Variants in ANKRD11 observed in about 807,000 individuals in gnomAD.
ANKRD11 encodes the protein ankyrin repeat domain-containing protein 11.
ANKRD11 carries 17 observed loss-of-function variants against 195.7 expected under a neutral mutation model. That is an observed-to-expected ratio of 0.09 (90% CI 0.06 to 0.13). The LOEUF (loss-of-function observed/expected upper bound fraction) is 0.13. Ranked by LOEUF, ANKRD11 falls within the 10% of genes least tolerant of loss-of-function variation. The pLI, the probability that ANKRD11 is intolerant of heterozygous loss-of-function variation, is 1.00. For synonymous variants in ANKRD11, 1,953 were observed against 1,528.1 expected, an observed-to-expected ratio of 1.28 and a Z score of -6.49; for missense variants, 3,735 against 3,566.1, an observed-to-expected ratio of 1.05 and a Z score of -1.21.
intron 2 of ANKRD11, among the ~76,000 whole-genome samples, chr16:89,387,285 G>A (rs555742956): frequency 3.3e-5 from 5 of 151,744 alleles, no homozygotes; most frequent in South Asian, 2.1e-4. Context: ...AGTGCCCCTC[G>A]AACAGAAGGA....
chr16:89,369,118 T>G (rs368660547), intron 2 of ANKRD11, among the ~76,000 whole-genome samples: 5 of 151,970 alleles, frequency 3.3e-5, no homozygotes, highest in African/African-American at 1.2e-4. Flanking sequence ...GGCCTGACAA[T>G]CTACCCTAGA....
At chr16:89,350,011 G>C (rs1231000132) in intron 2 of ANKRD11, among the ~76,000 whole-genome samples, 2 of 151,904 alleles carry the variant, frequency 1.3e-5, no homozygotes, top group East Asian at 3.9e-4. Context: ...ATGAGCAAAT[G>C]GCAGATATGA....
intron 1 of ANKRD11, among the ~76,000 whole-genome samples, chr16:89,431,714 GC>G (rs1465106604): frequency 6.6e-6 from 1 of 152,056 alleles, no homozygotes; most frequent in African/African-American, 2.4e-5. Context: ...TTAACGACGT[GC>G]TGCTGAATCC....
At chr16:89,278,287 C>A (rs959279915) in intron 9 of ANKRD11, 5 of 348,866 alleles carry the variant, frequency 1.4e-5, no homozygotes, top group South Asian at 8.5e-5. Flanking sequence ...AATCCCTGTG[C>A]CTGCTGGGAA....
intron 9 of ANKRD11, chr16:89,278,841 AGGCCT>A (rs1420736391): frequency 1.4e-6 from 1 of 732,974 alleles, no homozygotes; most frequent in African/African-American, 1.7e-5. Flanking sequence ...CAGGAGACCG[AGGCCT>A]GGCACGGACC....
chr16:89,306,512 GCCAC>G (rs1490788060), intron 3 of ANKRD11, among the ~76,000 whole-genome samples: 7 of 37,392 alleles, frequency 1.9e-4, no homozygotes, highest in South Asian at 1.0e-3. Flanking sequence ...GCAGACACGC[GCCAC>G]CCACCTCCCA....
chr16:89,411,949 G>A (rs1364842228), intron 2 of ANKRD11, among the ~76,000 whole-genome samples: 12 of 136,612 alleles, frequency 8.8e-5, no homozygotes, highest in South Asian at 2.4e-4. Context: ...TCTCCTGGCC[G>A]TGCCCCATCC....
chr16:89,489,400 C>G (rs2057733546), intron 1 of ANKRD11, among the ~76,000 whole-genome samples: 1 of 146,498 alleles, frequency 6.8e-6, no homozygotes, highest in Non-Finnish European at 1.5e-5. Context: ...CCAGCCACCC[C>G]CCACACCCGC....
chr16:89,388,932 A>T (rs1466716497), intron 2 of ANKRD11, among the ~76,000 whole-genome samples: 3 of 152,284 alleles, frequency 2.0e-5, no homozygotes. Flanking sequence ...TGGATCCCAG[A>T]ACAAAGCCCA....
intron 1 of ANKRD11, among the ~76,000 whole-genome samples, chr16:89,450,733 G>A (rs1188176691): frequency 1.3e-5 from 2 of 152,156 alleles, no homozygotes; most frequent in African/African-American, 4.8e-5. Context: ...CTCGCCTCAA[G>A]CAATCCTCCT....
At chr16:89,452,493 G>C (rs1032049546) in intron 1 of ANKRD11, among the ~76,000 whole-genome samples, 3 of 151,972 alleles carry the variant, frequency 2.0e-5, no homozygotes, top group Non-Finnish European at 4.4e-5. Flanking sequence ...GGACACAGCT[G>C]TTTACTTTTT....
At chr16:89,337,319 G>A (rs1239079710) in intron 2 of ANKRD11, among the ~76,000 whole-genome samples, 2 of 151,538 alleles carry the variant, frequency 1.3e-5, no homozygotes, top group East Asian at 1.9e-4. Context: ...CCTCCGCCAC[G>A]TGACCAAGCC....
At chr16:89,299,904 G>C in intron 4 of ANKRD11, 1 of 207,710 alleles carries the variant, frequency 4.8e-6, no homozygotes, top group Non-Finnish European at 9.1e-6. Context: ...CGTGGGGTCT[G>C]TGCCCTGTGT....
intron 2 of ANKRD11, among the ~76,000 whole-genome samples, chr16:89,340,794 C>A (rs2038619854): frequency 6.6e-6 from 1 of 152,098 alleles, no homozygotes; most frequent in African/African-American, 2.4e-5. Flanking sequence ...GCTCTGAAAC[C>A]CCAGAAATCA....
chr16:89,376,895 TATG>T (rs1274639669), intron 2 of ANKRD11, among the ~76,000 whole-genome samples: 3 of 152,242 alleles, frequency 2.0e-5, no homozygotes, highest in Non-Finnish European at 2.9e-5. Context: ...CAGTAGGGTT[TATG>T]ATAAGGACTG....
chr16:89,381,780 C>A (rs2040667332), intron 2 of ANKRD11, among the ~76,000 whole-genome samples: 1 of 152,138 alleles, frequency 6.6e-6, no homozygotes, highest in Admixed American at 6.5e-5. Flanking sequence ...ACTTTGTGAA[C>A]AAGTGTTCCC....
chr16:89,317,918 C>T lies in ANKRD11; in HGVS notation c.-59-840G>A, dbSNP rs563393552. On this transcript the variant is annotated intron_variant, in intron 2 of 12. Coordinates refer to ENST00000301030, the MANE Select transcript of ANKRD11 (RefSeq NM_013275.6). The stretch of plus-strand genomic sequence containing the variant: ...TTCTTACCCAAGTTCACGCCCAGGC[C>T]AAGCCCTGCCTGAAACCAGCGCAGA... Among the ~76,000 whole-genome samples, 82 of 152,282 alleles carry T rather than the reference C, an allele frequency of 5.4e-4. 1 individual carries two copies. Among genetic ancestry groups the T allele is most frequent in the African/African-American group, 1.9e-3 (79 of 41,552 alleles).
intron 2 of ANKRD11, among the ~76,000 whole-genome samples, chr16:89,367,577 C>A (rs577730593): frequency 1.3e-5 from 2 of 152,344 alleles, no homozygotes; most frequent in East Asian, 3.9e-4. Flanking sequence ...TGTTCCTGAC[C>A]CGTCCCTCCT....
chr16:89,326,913 G>A (rs2037758114), intron 2 of ANKRD11, among the ~76,000 whole-genome samples: 2 of 152,220 alleles, frequency 1.3e-5, no homozygotes, highest in Admixed American at 1.3e-4. Flanking sequence ...CAGGACTAAG[G>A]AGGTTCCACA....
Sources: allele counts gnomAD v4.1 joint callset (sites outside exome capture counted in the v4.1 genomes callset), GRCh38; gene constraint gnomAD v4.1.1; transcripts MANE v1.5; gene names NCBI Gene and HGNC (gene_info 2026-07-23, HGNC 2026-07-21).